KCNQ2: variants seen among roughly 807,000 people sequenced by gnomAD.
The protein encoded by KCNQ2 is potassium voltage-gated channel subfamily KQT member 2.
KCNQ2 carries 14 observed loss-of-function variants against 84.8 expected under a neutral mutation model. The ratio of observed to expected loss-of-function variants is 0.17; its 90% confidence interval spans 0.11 to 0.26. KCNQ2 has a LOEUF of 0.26. Among genes scored for constraint, KCNQ2 ranks in the 10% least tolerant of loss-of-function variants. KCNQ2 has a pLI of 1.00. For missense variants in KCNQ2, 788 were observed against 1,254.0 expected (o/e 0.63, Z 5.61); for synonymous variants, 599 against 554.1 (o/e 1.08, Z -1.14).
At chr20:63,467,986 C>T (rs1015961472) in intron 1 of KCNQ2, among the ~76,000 whole-genome samples, 2 of 152,218 alleles carry the variant, frequency 1.3e-5, no homozygotes, top group African/African-American at 4.8e-5. Context: ...TATCCTTTAG[C>T]TCCTATCCTC....
At chr20:63,444,193 G>A (rs982637851) in intron 4 of KCNQ2, among the ~76,000 whole-genome samples, 1 of 152,206 alleles carries the variant, frequency 6.6e-6, no homozygotes, top group Non-Finnish European at 1.5e-5. Flanking sequence ...GTCACTGGGG[G>A]GCCTGGGGCC....
At chr20:63,461,812 G>GC (rs1317203088) in intron 1 of KCNQ2, among the ~76,000 whole-genome samples, 4 of 137,844 alleles carry the variant, frequency 2.9e-5, no homozygotes, top group African/African-American at 5.5e-5. Flanking sequence ...CCACCCCAGG[G>GC]AGCAGGGAAG....
At chr20:63,458,549 C>T (rs543665417) in intron 1 of KCNQ2, among the ~76,000 whole-genome samples, 1 of 152,306 alleles carries the variant, frequency 6.6e-6, no homozygotes, top group Non-Finnish European at 1.5e-5. Context: ...CCCGACCATC[C>T]CTTCCCCGGG....
intron 1 of KCNQ2, among the ~76,000 whole-genome samples, chr20:63,462,939 G>A (rs963093786): frequency 3.3e-5 from 5 of 152,310 alleles, no homozygotes; most frequent in South Asian, 2.1e-4. Flanking sequence ...TGCAGAGAAC[G>A]GCTCCAGGAG....
At position 63,414,847 on chromosome 20, in the gene KCNQ2, G is replaced by GCCA; in HGVS notation, c.1525+53_1525+55dup. 1.9e-6 allele frequency: 3 copies of GCCA among 1,561,736 alleles called. No individual in the cohort carries two copies. Among genetic ancestry groups the GCCA allele is most frequent in the Non-Finnish European group, 2.6e-6 (3 of 1,135,796 alleles). Reference sequence around the variant, plus strand: ...GCCACAGGGTGGCCACAGTAGCGTGGCCACCACATCCATCCCCGGAGAGGA... The same window carrying GCCA: ...GCCACAGGGTGGCCACAGTAGCGTGGCCACCACCACATCCATCCCCGGAGAGGA... On this transcript the variant is annotated intron_variant, in intron 13 of 16. Coordinates refer to ENST00000359125, the MANE Select transcript of KCNQ2 (RefSeq NM_172107.4). The surrounding 1 kb of genome is among the most constrained non-coding windows in gnomAD (Gnocchi z 6.6).
intron 15 of KCNQ2, among the ~76,000 whole-genome samples, chr20:63,410,680 C>G (rs2145515616): frequency 6.6e-6 from 1 of 152,322 alleles, no homozygotes; most frequent in Admixed American, 6.5e-5. Flanking sequence ...ACGGGAGGAG[C>G]ACGGGGCTGA....
rs1043439535 is a variant in KCNQ2 at position 63,460,399 on chromosome 20, G to A, written c.296+11769C>T. ...CCCACCCGAAACCCATTCAGGTGCT[G>A]AGGGCACCCCAACAGTGGCACTCCT... is the stretch of plus-strand genomic sequence containing the variant. On this transcript the variant is annotated intron_variant, in intron 1 of 16. Transcript: ENST00000359125. The surrounding 1 kb of genome is among the most constrained non-coding windows in gnomAD (Gnocchi z 5.4). 6.6e-6 allele frequency among the ~76,000 whole-genome samples: 1 copy of A among 152,044 alleles called. No homozygotes were observed. Among genetic ancestry groups the A allele is most frequent in the South Asian group, 2.1e-4 (1 of 4,810 alleles).
At chr20:63,466,152 A>G (rs1258316486) in intron 1 of KCNQ2, among the ~76,000 whole-genome samples, 1 of 152,034 alleles carries the variant, frequency 6.6e-6, no homozygotes. Context: ...AATCCCCCAA[A>G]CTACCCGGCA....
At position 63,472,242 on chromosome 20, in the gene KCNQ2, G is replaced by A. The variant is rs796052613; in HGVS notation, c.222C>T (p.Tyr74=). 3 of 1,541,636 alleles carry A rather than the reference G, an allele frequency of 1.9e-6. No individual in the cohort carries two copies. Among genetic ancestry groups the A allele is most frequent in the Admixed American group, 4.0e-5 (2 of 50,512 alleles). ...TGTAGAGGAAATTCTGCAGCTTGCGGTAGAAGGCGTTGCGCTTGGGGGGCT... is the reference window on the plus strand; with the variant it reads ...TGTAGAGGAAATTCTGCAGCTTGCGATAGAAGGCGTTGCGCTTGGGGGGCT... ...AGKPPKRNAF[Y]RKLQNFLYNV... Residue 74 remains tyrosine (Y), a synonymous_variant, in exon 1 of 17, where the codon TAC becomes TAT. Transcript: ENST00000359125.
chr20:63,421,591 G>C (rs6011825), intron 11 of KCNQ2, among the ~76,000 whole-genome samples: 1 of 152,154 alleles, frequency 6.6e-6, no homozygotes. Context: ...CAGTGAGCTC[G>C]AGACCCACAG....
intron 11 of KCNQ2, 182 bp downstream of exon 11, chr20:63,423,995 G>C: frequency 1.5e-6 from 1 of 660,522 alleles, no homozygotes; most frequent in Middle Eastern, 2.5e-4. Context: ...GGGTGAGCAG[G>C]AAGAGTGATT....
At chr20:63,469,807 G>A (rs1386895212) in intron 1 of KCNQ2, among the ~76,000 whole-genome samples, 2 of 152,240 alleles carry the variant, frequency 1.3e-5, no homozygotes, top group Non-Finnish European at 2.9e-5. Context: ...AGTCCATGCC[G>A]GGCCAGAGGA....
intron 8 of KCNQ2, among the ~76,000 whole-genome samples, chr20:63,432,088 ACAGGGAAGGCCCCACCCT>A (rs1308101818): frequency 0.03 from 3,296 of 110,658 alleles, 51 homozygotes; most frequent in Non-Finnish European, 0.045. Context: ...GGCCCCACCC[ACAGGGAAGGCCCCACCCT>A]CAGGGAAGGC....
chr20:63,408,022 G>A lies in KCNQ2; in HGVS notation c.1887+391C>T, dbSNP rs991795953. 17 of 293,870 alleles carry A rather than the reference G, an allele frequency of 5.8e-5. No individual in the cohort carries two copies. Among genetic ancestry groups the A allele is most frequent in the African/African-American group, 2.8e-4 (13 of 46,106 alleles). 18.2% of individuals were successfully genotyped at this position (293,870 alleles called of 1,614,324 possible). On this transcript the variant is annotated intron_variant, in intron 16 of 16. Coordinates refer to ENST00000359125, the MANE Select transcript of KCNQ2 (RefSeq NM_172107.4). This position sits in a 1 kb window ranked among gnomAD's most constrained non-coding sequence, Gnocchi z 5.0. ...AGGCCCCAAAACAAGGGTCCTCTGC[G>A]GTGGTTCCTGAGAATGCACCCCCAG...
chr20:63,440,167 C>T (rs994923928), intron 5 of KCNQ2, among the ~76,000 whole-genome samples: 6 of 151,988 alleles, frequency 3.9e-5, no homozygotes, highest in South Asian at 2.1e-4. Context: ...CCACAAGAGG[C>T]GGGGGAGTGG....
intron 11 of KCNQ2, among the ~76,000 whole-genome samples, chr20:63,421,617 C>A (rs947481551): frequency 1.3e-5 from 2 of 152,136 alleles, no homozygotes; most frequent in African/African-American, 4.8e-5. Context: ...GACCGAGACC[C>A]GACAGGACAG....
Position 63,407,678 on chromosome 20 carries a change from G to A in KCNQ2, c.1888-303C>T, listed in dbSNP as rs2079992614. 6.6e-6 allele frequency among the ~76,000 whole-genome samples: 1 copy of A among 151,762 alleles called. No homozygotes were observed. The highest frequency in any genetic ancestry group is 2.4e-5 in the African/African-American group (1 of 41,316). On this transcript the variant is annotated intron_variant, in intron 16 of 16. Transcript: ENST00000359125. The surrounding 1 kb of genome is among the most constrained non-coding windows in gnomAD (Gnocchi z 7.2). ...GGGACCCAGGCTGGTCCTAGGAGAT[G>A]GGGGGACCTGGACCACTCCCAGGAA...
chr20:63,413,600 G>A lies in KCNQ2; in HGVS notation c.1632-19C>T. The A allele has an allele frequency of 1.2e-6, 2 of 1,610,856 alleles. No individual in the cohort carries two copies. Among genetic ancestry groups the A allele is most frequent in the Non-Finnish European group, 1.7e-6 (2 of 1,178,464 alleles). The stretch of plus-strand genomic sequence containing the variant: ...CATGACACTGCAGGGGGGTGGGTGG[G>A]GCTGTGAGCCCTGGGCCAGAGACCC... On this transcript the variant is annotated intron_variant, in intron 14 of 16. Coordinates refer to ENST00000359125, the MANE Select transcript of KCNQ2 (RefSeq NM_172107.4).
At chr20:63,439,535 G>T in intron 6 of KCNQ2, 63 bp downstream of exon 6, 1 of 1,263,360 alleles carries the variant, frequency 7.9e-7, no homozygotes, top group Non-Finnish European at 1.2e-6. Flanking sequence ...GGGGCCTGTG[G>T]TCACCTCGGG....
Sources: allele counts gnomAD v4.1 joint callset (sites outside exome capture counted in the v4.1 genomes callset), GRCh38; gene constraint gnomAD v4.1.1; non-coding constraint Gnocchi (gnomAD v3.1); transcripts MANE v1.5; gene names NCBI Gene and HGNC (gene_info 2026-07-23, HGNC 2026-07-21).